VOPP1: variants seen among roughly 807,000 people sequenced by gnomAD.
The protein encoded by VOPP1 is VOPP1 WW domain binding protein, also known as WW domain binding protein VOPP1.
VOPP1 carries 8 observed loss-of-function variants against 23.5 expected under a neutral mutation model. The observed-to-expected ratio is 0.34, with a 90% CI of 0.20 to 0.61. VOPP1 has a LOEUF of 0.61. VOPP1 is among the 20% of genes least tolerant of loss of function. The pLI is 0.78. For missense variants in VOPP1, 174 were observed against 238.1 expected, an observed-to-expected ratio of 0.73 and a Z score of 1.77; for synonymous variants, 83 against 97.3, an observed-to-expected ratio of 0.85 and a Z score of 0.86.
intron 1 of VOPP1, among the ~76,000 whole-genome samples, chr7:55,553,400 G>C (rs1007574861): frequency 2.0e-5 from 3 of 152,058 alleles, no homozygotes; most frequent in Admixed American, 2.0e-4. Flanking sequence ...CTAGCCTGGG[G>C]AGCAACGGGC....
downstream of VOPP1, among the ~76,000 whole-genome samples, chr7:55,470,078 C>T (rs143398315): frequency 9.3e-4 from 141 of 152,196 alleles, no homozygotes; most frequent in African/African-American, 2.9e-3. Flanking sequence ...ATAGAAAATG[C>T]TTCTTTGCAA....
In VOPP1 at chr7:55,472,931, C is replaced by T; in HGVS notation, c.443G>A (p.Ser148Asn). 1.3e-6 allele frequency: 2 copies of T among 1,558,964 alleles called. No homozygotes were observed. Among genetic ancestry groups the T allele is most frequent in the Non-Finnish European group, 8.6e-7 (1 of 1,158,646 alleles). ...GGCTGGAGGGGGCGGGCAGGCCACA[C>T]TCCCCTGGGGTGAGTTGGGTGGGAC... The part of the protein sequence containing the change: ...FQVPPNSPQG[S>N]VACPPPPAYC... Residue 148 changes from serine (S) to asparagine (N), a missense_variant, in exon 5 of 5, where the codon AGT becomes AAT. By Grantham distance (46) the Ser-to-Asn change is conservative. Transcript: ENST00000285279.
rs1209417145 is a variant in VOPP1, at chr7:55,518,166, G to A, written c.113+2906C>T. 2.0e-5 allele frequency among the ~76,000 whole-genome samples: 3 copies of A among 152,174 alleles called. No individual in the cohort carries two copies. The South Asian group carries it at 6.2e-4, about 31-fold the overall frequency. ...CCTCAAACCTGGCAGGTCAGAATTC[G>A]CAGTCACGTCTTACAGAGGAAGCAG... On this transcript the variant is annotated intron_variant, in intron 2 of 4. Coordinates refer to ENST00000285279, the MANE Select transcript of VOPP1 (RefSeq NM_030796.5).
At chr7:55,518,637 T>C (rs1484656854) in intron 2 of VOPP1, among the ~76,000 whole-genome samples, 2 of 152,184 alleles carry the variant, frequency 1.3e-5, no homozygotes, top group Non-Finnish European at 2.9e-5. Flanking sequence ...GACTGCATGG[T>C]GGGAACTGCA....
intron 4 of VOPP1, among the ~76,000 whole-genome samples, chr7:55,487,013 C>T (rs115988001): frequency 0.012 from 1,841 of 152,314 alleles, 12 homozygotes; most frequent in Middle Eastern, 0.02. Flanking sequence ...TGTCCCATCA[C>T]CATCCCCGCA....
intron 1 of VOPP1, among the ~76,000 whole-genome samples, chr7:55,558,046 T>C (rs1797867656): frequency 6.6e-6 from 1 of 152,194 alleles, no homozygotes; most frequent in Admixed American, 6.5e-5. Flanking sequence ...GGAATGGCGT[T>C]GCGTGGGGTT....
At chr7:55,476,882 T>C (rs1199606815) in intron 4 of VOPP1, among the ~76,000 whole-genome samples, 1 of 152,204 alleles carries the variant, frequency 6.6e-6, no homozygotes, top group Non-Finnish European at 1.5e-5. Context: ...CCTGCTATGA[T>C]GGGCTCCTGC....
intron 4 of VOPP1, among the ~76,000 whole-genome samples, chr7:55,485,381 A>C (rs1310052533): frequency 6.6e-6 from 1 of 152,258 alleles, no homozygotes; most frequent in Non-Finnish European, 1.5e-5. Context: ...TAAAAAGAAG[A>C]GAAAACATGA....
intron 1 of VOPP1, 84 bp from the exon 2 acceptor site, chr7:55,521,214 A>G (rs886263153): frequency 1.5e-6 from 2 of 1,373,914 alleles, no homozygotes; most frequent in African/African-American, 2.9e-5. Context: ...AGAAAGAAGG[A>G]TGAGAAGACA....
intron 2 of VOPP1, among the ~76,000 whole-genome samples, chr7:55,507,196 A>C (rs1365996778): frequency 6.6e-6 from 1 of 152,194 alleles, no homozygotes; most frequent in Non-Finnish European, 1.5e-5. Flanking sequence ...AGTGGCTCTC[A>C]GCACAGGCTC....
chr7:55,466,013 AG>A (rs748669510), downstream of VOPP1, among the ~76,000 whole-genome samples: 15 of 152,144 alleles, frequency 9.9e-5, no homozygotes, highest in Non-Finnish European at 1.5e-4. Flanking sequence ...TGAAGTCATG[AG>A]GGGGAGGGAG....
At chr7:55,461,231 C>T (rs895968991) in intron 4 of VOPP1, among the ~76,000 whole-genome samples, 5 of 151,782 alleles carry the variant, frequency 3.3e-5, no homozygotes, top group East Asian at 3.9e-4. Flanking sequence ...TGGGGACTCA[C>T]GGGGAAAGGG....
intron 4 of VOPP1, among the ~76,000 whole-genome samples, chr7:55,453,370 G>A (rs1791289573): frequency 6.6e-6 from 1 of 152,206 alleles, no homozygotes; most frequent in Non-Finnish European, 1.5e-5. Flanking sequence ...CTAGCTTTCA[G>A]CCTGTTTCAG....
intron 1 of VOPP1, among the ~76,000 whole-genome samples, chr7:55,550,513 A>G (rs1295116768): frequency 6.6e-6 from 1 of 152,254 alleles, no homozygotes; most frequent in Admixed American, 6.5e-5. Context: ...TCTGTCAGTA[A>G]GCTCCGGTCT....
intron 1 of VOPP1, among the ~76,000 whole-genome samples, chr7:55,564,050 T>TGCA (rs1043655386): frequency 3.3e-5 from 5 of 152,108 alleles, no homozygotes; most frequent in African/African-American, 9.7e-5. Context: ...GAACAGAGGT[T>TGCA]GCAGAGATTT....
At chr7:55,457,073 G>C (rs757036590) in intron 4 of VOPP1, among the ~76,000 whole-genome samples, 17 of 151,826 alleles carry the variant, frequency 1.1e-4, no homozygotes, top group Admixed American at 3.9e-4. Context: ...ACCTCTCTTC[G>C]TGACACCGTG....
At chr7:55,567,455 G>C (rs887188003) in intron 1 of VOPP1, among the ~76,000 whole-genome samples, 11 of 152,214 alleles carry the variant, frequency 7.2e-5, no homozygotes, top group Admixed American at 7.2e-4. Flanking sequence ...TTCATCAAGA[G>C]GACATGATAG....
downstream of VOPP1, among the ~76,000 whole-genome samples, chr7:55,466,316 T>C (rs1313127045): frequency 6.6e-6 from 1 of 152,178 alleles, no homozygotes; most frequent in Non-Finnish European, 1.5e-5. Flanking sequence ...GCTTGGGCAA[T>C]TGGGTAGAAA....
chr7:55,506,308 T>C (rs1177576631), intron 2 of VOPP1, among the ~76,000 whole-genome samples: 8 of 152,234 alleles, frequency 5.3e-5, no homozygotes, highest in Non-Finnish European at 4.4e-5. Context: ...TCTCTCCCAA[T>C]GATAAGTCTA....
Sources: gnomAD v4.1 joint callset for allele counts (sites outside exome capture counted in the v4.1 genomes callset) on GRCh38, gnomAD v4.1.1 for gene constraint, MANE v1.5 for transcripts, NCBI Gene and HGNC (gene_info 2026-07-23, HGNC 2026-07-21) for gene names.